Variants in LTBP1 observed in about 807,000 individuals in gnomAD.
LTBP1 encodes latent transforming growth factor beta binding protein 1, also known as latent-transforming growth factor beta-binding protein 1.
LTBP1 carries 129 observed loss-of-function variants against 207.6 expected under a neutral mutation model. The observed-to-expected ratio is 0.62, with a 90% CI of 0.54 to 0.72. LTBP1 has a LOEUF of 0.72. Ranked by LOEUF, LTBP1 falls within the 30% of genes least tolerant of loss-of-function variation. LTBP1 has a pLI of 0.00. For missense variants in LTBP1, 2,281 were observed against 2,217.2 expected (o/e 1.03, Z -0.58); for synonymous variants, 963 against 833.7 (o/e 1.16, Z -2.67).
intron 33 of LTBP1, 99 bp downstream of exon 33, chr2:33,397,381 T>C (rs2367734): frequency 0.59 from 823,242 of 1,402,284 alleles, 243,889 homozygotes; most frequent in East Asian, 0.87. Flanking sequence ...GAGTTTCAGT[T>C]TGAGAAGATG....
intron 25 of LTBP1, among the ~76,000 whole-genome samples, chr2:33,343,787 G>T (rs970219782): frequency 1.3e-5 from 2 of 152,120 alleles, no homozygotes; most frequent in Non-Finnish European, 2.9e-5. Context: ...TCCAACAAAT[G>T]CTCACACAGA....
chr2:33,095,997 G>A (rs1172559057), intron 3 of LTBP1, among the ~76,000 whole-genome samples: 1 of 151,950 alleles, frequency 6.6e-6, no homozygotes, highest in East Asian at 1.9e-4. Flanking sequence ...TTGCAGATTA[G>A]GTGAAAAACA....
chr2:33,340,492 G>A (rs993435885), intron 24 of LTBP1, among the ~76,000 whole-genome samples: 3 of 152,172 alleles, frequency 2.0e-5, no homozygotes, highest in Admixed American at 6.5e-5. Flanking sequence ...AGAATATTCC[G>A]TCACTGAACG....
intron 5 of LTBP1, among the ~76,000 whole-genome samples, chr2:33,168,882 A>G (rs531218826): frequency 1.6e-4 from 25 of 152,320 alleles, no homozygotes; most frequent in African/African-American, 6.0e-4. Context: ...TCGCCTACCT[A>G]TATGCTGTCA....
chr2:33,044,105 T>TA (rs1274405408), intron 3 of LTBP1, among the ~76,000 whole-genome samples: 3 of 150,578 alleles, frequency 2.0e-5, no homozygotes, highest in Non-Finnish European at 4.4e-5. Context: ...TTTTATGAAA[T>TA]AGAGTTGTTA....
intron 2 of LTBP1, among the ~76,000 whole-genome samples, chr2:32,995,014 A>AC (rs1231694294): frequency 6.6e-6 from 1 of 151,700 alleles, no homozygotes; most frequent in Non-Finnish European, 1.5e-5. Flanking sequence ...ACGCAGAGAA[A>AC]CCCCATCTTT....
chr2:33,210,761 T>A (rs908931444), intron 7 of LTBP1, among the ~76,000 whole-genome samples: 11 of 152,192 alleles, frequency 7.2e-5, no homozygotes, highest in African/African-American at 2.7e-4. Flanking sequence ...TGCCACTGGC[T>A]TTTCTCCCAG....
chr2:33,180,591 A>G (rs551622665), intron 5 of LTBP1, among the ~76,000 whole-genome samples: 15 of 151,930 alleles, frequency 9.9e-5, no homozygotes, highest in East Asian at 9.7e-4. Context: ...AGCTGGGACT[A>G]CAGGTACATG....
In LTBP1 at chr2:33,399,016, A is replaced by G. The variant is rs1454152351; in HGVS notation, c.*471A>G. 3 of 152,810 alleles carry G rather than the reference A, an allele frequency of 2.0e-5. No individual in the cohort carries two copies. Among genetic ancestry groups the G allele is most frequent in the South Asian group, 2.1e-4 (1 of 4,836 alleles). The allele number at this position is 152,810 out of a possible 1,614,324, so 9.5% of individuals were successfully genotyped here. A position where few individuals can be genotyped will look rare whatever the true frequency, so the allele number is the denominator to read the frequency against. Reference sequence around the variant, plus strand: ...CGATACAATATTGTTAAGCTGTATTATAAGTATTGTTACACAGGGTTATGC... The same window carrying G: ...CGATACAATATTGTTAAGCTGTATTGTAAGTATTGTTACACAGGGTTATGC... On this transcript the variant is annotated 3_prime_UTR_variant, in exon 34 of 34. Transcript: ENST00000404816.
At position 33,355,936 on chromosome 2, in the gene LTBP1, C is replaced by CT. The variant is rs141670994; in HGVS notation, c.4001-4651dup. On this transcript the variant is annotated intron_variant, in intron 26 of 33. Coordinates refer to ENST00000404816, the MANE Select transcript of LTBP1 (RefSeq NM_206943.4). ...CTTTTAAAGTGTTTTTATTTTTGTG[C>CT]TTTTTTTTTTCTAAACTTCACTTTG... 1.7e-4 allele frequency among the ~76,000 whole-genome samples: 25 copies of CT among 149,848 alleles called. No individual in the cohort carries two copies. The South Asian group carries it at 2.4e-3, about 14-fold the overall frequency.
At chr2:33,092,511 C>T (rs932754609) in intron 3 of LTBP1, among the ~76,000 whole-genome samples, 1 of 152,156 alleles carries the variant, frequency 6.6e-6, no homozygotes, top group Non-Finnish European at 1.5e-5. Flanking sequence ...AGACATTAAG[C>T]CTTCTGGGTT....
intron 19 of LTBP1, among the ~76,000 whole-genome samples, chr2:33,292,467 A>G (rs181087089): frequency 1.0e-3 from 154 of 152,326 alleles, no homozygotes; most frequent in Admixed American, 2.0e-3. Context: ...CTTCCTCCAT[A>G]AAATGGTTGG....
chr2:33,282,458 A>G (rs1393137382), intron 19 of LTBP1, among the ~76,000 whole-genome samples: 10 of 152,058 alleles, frequency 6.6e-5, no homozygotes, highest in Admixed American at 6.6e-4. Context: ...TTAATTTTTT[A>G]TAGTAGTAGA....
Position 33,033,023 on chromosome 2 carries a change from A to T in LTBP1, c.863+11817A>T, listed in dbSNP as rs570286566. ...ATAATTTAGGATGTTCATGAAAAAC[A>T]AGGATTTGATCAAGCTCCATTAGGA... On this transcript the variant is annotated intron_variant, in intron 3 of 33. Coordinates refer to ENST00000404816, the MANE Select transcript of LTBP1 (RefSeq NM_206943.4). Among the ~76,000 whole-genome samples, 5 of 152,358 alleles carry T rather than the reference A, an allele frequency of 3.3e-5. No homozygotes were observed. In the South Asian group the frequency reaches 1.0e-3, roughly 32 times the overall value.
intron 9 of LTBP1, among the ~76,000 whole-genome samples, chr2:33,224,466 T>C (rs185247972): frequency 2.0e-5 from 3 of 152,218 alleles, no homozygotes; most frequent in Admixed American, 6.5e-5. Flanking sequence ...TTCATAGATA[T>C]TTGAAGACAG....
rs185095063 is a variant in LTBP1 at position 33,303,121 on chromosome 2, A to G, written c.3481+1477A>G. 1.7e-3 allele frequency among the ~76,000 whole-genome samples: 257 copies of G among 152,234 alleles called. 1 individual carries two copies. The highest frequency in any genetic ancestry group is 5.8e-3 in the African/African-American group (241 of 41,548). ...TATGGGTAAATGATAATGATTCTAG[A>G]TAGTGACATCCCAAGGTGGGAGGGT... is the stretch of plus-strand genomic sequence containing the variant. On this transcript the variant is annotated intron_variant, in intron 22 of 33. Transcript: ENST00000404816.
intron 3 of LTBP1, among the ~76,000 whole-genome samples, chr2:33,048,092 A>T (rs568474373): frequency 6.6e-6 from 1 of 152,302 alleles, no homozygotes; most frequent in South Asian, 2.1e-4. Flanking sequence ...GCATTGTTGC[A>T]GGCATTGTGT....
chr2:33,177,679 C>T (rs1274866525), intron 5 of LTBP1, among the ~76,000 whole-genome samples: 1 of 151,838 alleles, frequency 6.6e-6, no homozygotes, highest in Non-Finnish European at 1.5e-5. Context: ...AAGAAAGAAA[C>T]AAAGAAAGAA....
intron 31 of LTBP1, among the ~76,000 whole-genome samples, chr2:33,388,867 A>G (rs1013214523): frequency 3.9e-5 from 6 of 152,162 alleles, no homozygotes; most frequent in African/African-American, 1.4e-4. Flanking sequence ...CATCCTTCCA[A>G]AAGGCCTGAA....
Sources: allele counts gnomAD v4.1 joint callset (sites outside exome capture counted in the v4.1 genomes callset), GRCh38; gene constraint gnomAD v4.1.1; transcripts MANE v1.5; gene names NCBI Gene and HGNC (gene_info 2026-07-23, HGNC 2026-07-21).